The following TYW1B variants were observed in gnomAD, a reference collection of about 807,000 sequenced individuals.
TYW1B encodes tRNA-yW synthesizing protein 1 homolog B, also known as S-adenosyl-L-methionine-dependent tRNA 4-demethylwyosine synthase TYW1B.
TYW1B carries 73 observed loss-of-function variants against 86.9 expected under a neutral mutation model. The ratio of observed to expected loss-of-function variants is 0.84; its 90% CI spans 0.70 to 1.02. The LOEUF is 1.02. TYW1B is among the 50% of genes least tolerant of loss of function. TYW1B has a pLI of 0.00. For synonymous variants in TYW1B, 248 were observed against 292.8 expected, an observed-to-expected ratio of 0.85 and a Z score of 1.56; for missense variants, 637 against 827.4, an observed-to-expected ratio of 0.77 and a Z score of 2.82.
In TYW1B at chr7:72,810,616, C is replaced by T. The variant is rs782414363; in HGVS notation, c.287G>A (p.Gly96Asp). The T allele has an allele frequency of 2.5e-6, 4 of 1,613,810 alleles. No homozygotes were observed. The South Asian group carries it at 3.3e-5, about 13-fold the overall frequency. Residue 96 changes from glycine (G) to aspartate (D), a missense_variant, in exon 4 of 14, where the codon GGC (glycine) becomes GAC (aspartate). Physicochemically the swap from Gly to Asp is moderately conservative, Grantham distance 94. Transcript: ENST00000620995. ...CVFLVATYTD[G>D]LPTESAEWFC... ...CCACTCTGCACTTTCGGTTGGTAGG[C>T]CGTCAGTGTATGTCGCAACCAGGAA...
At chr7:72,768,334 AC>A (rs1280023133) in intron 7 of TYW1B, among the ~76,000 whole-genome samples, 1 of 151,704 alleles carries the variant, frequency 6.6e-6, no homozygotes, top group Non-Finnish European at 1.5e-5. Context: ...TCGGCCACTG[AC>A]CCCCCGAAGA....
intron 13 of TYW1B, among the ~76,000 whole-genome samples, chr7:72,607,393 CAAAAAAAA>C (rs57281644): frequency 1.3e-5 from 1 of 76,236 alleles, no homozygotes; most frequent in Non-Finnish European, 2.6e-5. Context: ...TTCTGTCTCT[CAAAAAAAA>C]AAAAAAAAGA....
At chr7:72,685,207 T>G (rs1441460156) in intron 11 of TYW1B, among the ~76,000 whole-genome samples, 1 of 151,712 alleles carries the variant, frequency 6.6e-6, no homozygotes, top group African/African-American at 2.4e-5. Flanking sequence ...TGGACTTCAA[T>G]TACTAGTAGA....
chr7:72,680,349 G>T (rs1159104931), intron 11 of TYW1B, among the ~76,000 whole-genome samples: 3 of 152,102 alleles, frequency 2.0e-5, no homozygotes, highest in Non-Finnish European at 2.9e-5. Flanking sequence ...AAAGCAGGCA[G>T]AAGAACATGG....
At chr7:72,628,266 A>G (rs1554439221) in intron 12 of TYW1B, among the ~76,000 whole-genome samples, 1 of 151,628 alleles carries the variant, frequency 6.6e-6, no homozygotes, top group African/African-American at 2.4e-5. Flanking sequence ...CTGGGTGACA[A>G]AGCGAGTCCT....
At chr7:72,579,334 A>G (rs1485483601) in intron 13 of TYW1B, among the ~76,000 whole-genome samples, 1 of 152,226 alleles carries the variant, frequency 6.6e-6, no homozygotes, top group Non-Finnish European at 1.5e-5. Flanking sequence ...ACTGTAAGCT[A>G]AAATCTGATA....
intron 11 of TYW1B, among the ~76,000 whole-genome samples, chr7:72,660,141 GAGA>G (rs1554444253): frequency 6.6e-6 from 1 of 152,124 alleles, no homozygotes; most frequent in African/African-American, 2.4e-5. Context: ...AGGCCAAGGT[GAGA>G]AGATCACATG....
At chr7:72,663,348 G>A (rs1476918887) in intron 11 of TYW1B, among the ~76,000 whole-genome samples, 1 of 152,086 alleles carries the variant, frequency 6.6e-6, no homozygotes, top group Non-Finnish European at 1.5e-5. Context: ...CAAATTGAAA[G>A]CAATGGTTAT....
intron 13 of TYW1B, among the ~76,000 whole-genome samples, chr7:72,605,621 G>C (rs1811775699): frequency 6.6e-6 from 1 of 152,034 alleles, no homozygotes; most frequent in Non-Finnish European, 1.5e-5. Flanking sequence ...CAAAGTGCTG[G>C]GATTACAGGT....
chr7:72,815,794 C>A lies in TYW1B; in HGVS notation c.136-313G>T, dbSNP rs562671015. Reference sequence around the variant, plus strand: ...ATGGCTCATGCCTGTAATCCCAGCACTTTGGGAGGCTGAAGTGGGAGGACC... The same window carrying A: ...ATGGCTCATGCCTGTAATCCCAGCAATTTGGGAGGCTGAAGTGGGAGGACC... On this transcript the variant is annotated intron_variant, in intron 2 of 13. Coordinates refer to ENST00000620995, the MANE Select transcript of TYW1B (RefSeq NM_001145440.3). Among the ~76,000 whole-genome samples the A allele has an allele frequency of 2.0e-5, 3 of 152,208 alleles. No homozygotes were observed. The South Asian group carries it at 6.2e-4, about 32-fold the overall frequency.
At chr7:72,672,449 AATTT>A (rs1241236317) in intron 11 of TYW1B, among the ~76,000 whole-genome samples, 6 of 136,152 alleles carry the variant, frequency 4.4e-5, no homozygotes, top group Non-Finnish European at 9.3e-5. Context: ...TGAGGACCTG[AATTT>A]ATTTGGGCAT....
chr7:72,817,159 T>G (rs1788739838), intron 2 of TYW1B, among the ~76,000 whole-genome samples: 1 of 152,092 alleles, frequency 6.6e-6, no homozygotes, highest in Admixed American at 6.6e-5. Flanking sequence ...ATCCCAACAC[T>G]TTGGGAAGCC....
intron 9 of TYW1B, among the ~76,000 whole-genome samples, chr7:72,718,708 C>T (rs1222932643): frequency 1.3e-5 from 2 of 152,172 alleles, no homozygotes; most frequent in Non-Finnish European, 2.9e-5. Context: ...GATCCTTAAG[C>T]TCATTCTATG....
chr7:72,767,151 G>C (rs1464097651), intron 7 of TYW1B, among the ~76,000 whole-genome samples: 4 of 151,946 alleles, frequency 2.6e-5, no homozygotes, highest in Non-Finnish European at 5.9e-5. Context: ...TTGCACAAAG[G>C]CTACCACAAC....
intron 9 of TYW1B, among the ~76,000 whole-genome samples, chr7:72,715,512 G>C (rs767203132): frequency 1.3e-5 from 2 of 152,146 alleles, no homozygotes; most frequent in Non-Finnish European, 2.9e-5. Flanking sequence ...CTCGGAAAGA[G>C]TGTAAATAGG....
intron 8 of TYW1B, among the ~76,000 whole-genome samples, chr7:72,731,756 A>T (rs1158602766): frequency 2.0e-5 from 3 of 152,142 alleles, no homozygotes; most frequent in Admixed American, 6.6e-5. Flanking sequence ...AGCCTGGCCA[A>T]CACGGTGAAA....
At chr7:72,824,663 C>T (rs1788896521) in intron 2 of TYW1B, among the ~76,000 whole-genome samples, 1 of 152,018 alleles carries the variant, frequency 6.6e-6, no homozygotes, top group Admixed American at 6.6e-5. Flanking sequence ...ATTGCTCGAA[C>T]CCAGGAGGCG....
rs1220548788 is a variant in TYW1B, at chr7:72,789,849, T to C, written c.847-12316A>G. ...ATATAAAAATAGATGAAACACAGTG[T>C]ACAATAAAGAATAAGATGTCTAGCC... On this transcript the variant is annotated intron_variant, in intron 6 of 13. Coordinates refer to ENST00000620995, the MANE Select transcript of TYW1B (RefSeq NM_001145440.3). Among the ~76,000 whole-genome samples, 5 of 150,986 alleles carry C rather than the reference T, an allele frequency of 3.3e-5. No homozygotes were observed. The East Asian group carries it at 9.7e-4, about 29-fold the overall frequency.
intron 7 of TYW1B, among the ~76,000 whole-genome samples, chr7:72,748,727 G>T (rs1554464340): frequency 6.6e-6 from 1 of 151,486 alleles, no homozygotes; most frequent in African/African-American, 2.4e-5. Context: ...GTTTGATATG[G>T]TGGATTGCTT....
Sources: allele counts gnomAD v4.1 joint callset (sites outside exome capture counted in the v4.1 genomes callset), GRCh38; gene constraint gnomAD v4.1.1; transcripts MANE v1.5; gene names NCBI Gene and HGNC (gene_info 2026-07-23, HGNC 2026-07-21).